GRXCR2: variants seen among roughly 807,000 people sequenced by gnomAD.
GRXCR2 encodes the protein glutaredoxin domain-containing cysteine-rich protein 2.
A neutral mutation model predicts 24.8 loss-of-function variants in GRXCR2; 23 were observed. That is an observed-to-expected ratio of 0.93 (90% CI 0.67 to 1.32). The LOEUF (loss-of-function observed/expected upper bound fraction) is 1.32. Ranked by LOEUF, GRXCR2 falls within the 40% of genes most tolerant of loss-of-function variation. The pLI is 0.00. For synonymous variants in GRXCR2, 130 were observed against 116.1 expected, an observed-to-expected ratio of 1.12 and a Z score of -0.77; for missense variants, 315 against 303.4, an observed-to-expected ratio of 1.04 and a Z score of -0.28.
chr5:145,872,291 G>A (rs1192043426), intron 1 of GRXCR2, among the ~76,000 whole-genome samples: 1 of 152,166 alleles, frequency 6.6e-6, no homozygotes, highest in African/African-American at 2.4e-5. Flanking sequence ...CAAAATGACT[G>A]CATAATTGTC....
Position 145,922,337 on chromosome 5 carries a change from A to G in GRXCR2, c.-70+13364T>C, listed in dbSNP as rs149429888. Among the ~76,000 whole-genome samples, 92 of 152,186 alleles carry G rather than the reference A, an allele frequency of 6.0e-4. 1 individual carries two copies. The highest frequency in any genetic ancestry group is 2.1e-3 in the African/African-American group (88 of 41,518). On this transcript the variant is annotated intron_variant, in intron 2 of 3. Coordinates refer to the GRXCR2 transcript ENST00000639411. The stretch of plus-strand genomic sequence containing the variant: ...CTCCTCATCTCTTCTGCTCCTGCTC[A>G]TCTCTCAAACCTCAGCCAGGTGCCA...
At chr5:145,924,748 G>A (rs1363844413) in intron 2 of GRXCR2, among the ~76,000 whole-genome samples, 1 of 152,066 alleles carries the variant, frequency 6.6e-6, no homozygotes, top group African/African-American at 2.4e-5. Context: ...AAGGGCTATG[G>A]TTCTTTGCAC....
chr5:145,930,735 G>C (rs1033808090), intron 2 of GRXCR2, among the ~76,000 whole-genome samples: 1 of 152,158 alleles, frequency 6.6e-6, no homozygotes, highest in Non-Finnish European at 1.5e-5. Context: ...ATTAGTCTGC[G>C]TTAGAATGAG....
At chr5:145,917,807 G>C (rs1757261793) in intron 2 of GRXCR2, among the ~76,000 whole-genome samples, 1 of 152,136 alleles carries the variant, frequency 6.6e-6, no homozygotes, top group South Asian at 2.1e-4. Flanking sequence ...TTGAGATGGA[G>C]TCTCACTTTG....
intron 2 of GRXCR2, among the ~76,000 whole-genome samples, chr5:145,880,103 A>T (rs1009064547): frequency 6.6e-6 from 1 of 152,224 alleles, no homozygotes; most frequent in African/African-American, 2.4e-5. Context: ...AAAGATCTAA[A>T]ATCAACACCC....
chr5:145,888,807 C>G (rs77326430), intron 2 of GRXCR2, among the ~76,000 whole-genome samples: 1 of 152,022 alleles, frequency 6.6e-6, no homozygotes, highest in South Asian at 2.1e-4. Flanking sequence ...AAGTTATACA[C>G]TCTGTGTGTG....
intron 2 of GRXCR2, among the ~76,000 whole-genome samples, chr5:145,865,306 A>G (rs1156751961): frequency 6.6e-6 from 1 of 152,166 alleles, no homozygotes; most frequent in Admixed American, 6.5e-5. Context: ...GCTTAAATGC[A>G]TCAAAATTGC....
At chr5:145,894,935 C>T (rs1756926283) in intron 2 of GRXCR2, among the ~76,000 whole-genome samples, 1 of 152,142 alleles carries the variant, frequency 6.6e-6, no homozygotes, top group South Asian at 2.1e-4. Context: ...AGCTTATTCA[C>T]CATGATCAAG....
intron 2 of GRXCR2, among the ~76,000 whole-genome samples, chr5:145,918,350 G>A (rs958360658): frequency 1.3e-5 from 2 of 152,202 alleles, no homozygotes; most frequent in Non-Finnish European, 2.9e-5. Flanking sequence ...AAATAGCTGG[G>A]AGGTGAACGG....
chr5:145,870,869 T>TA (rs1275536311), intron 1 of GRXCR2, among the ~76,000 whole-genome samples: 1 of 152,152 alleles, frequency 6.6e-6, no homozygotes, highest in East Asian at 1.9e-4. Context: ...ACATGGCCTC[T>TA]AAAACACATA....
chr5:145,929,222 T>TATATATATATATATATATATA (rs1561694422), intron 2 of GRXCR2, among the ~76,000 whole-genome samples: 2 of 146,508 alleles, frequency 1.4e-5, no homozygotes, highest in Non-Finnish European at 3.0e-5. Context: ...TATATATATA[T>TATATATATATATATATATATA]ATCACCATTT....
chr5:145,905,267 A>C (rs1314466603), intron 2 of GRXCR2, among the ~76,000 whole-genome samples: 1 of 152,220 alleles, frequency 6.6e-6, no homozygotes, highest in Non-Finnish European at 1.5e-5. Flanking sequence ...AGCTTATCAG[A>C]GATTCTGTTT....
chr5:145,911,187 C>T (rs996928627), intron 2 of GRXCR2, among the ~76,000 whole-genome samples: 4 of 152,154 alleles, frequency 2.6e-5, no homozygotes, highest in South Asian at 4.1e-4. Flanking sequence ...ATCAGCACCT[C>T]GAGTTAACAT....
intron 2 of GRXCR2, among the ~76,000 whole-genome samples, chr5:145,862,906 C>G (rs1421165177): frequency 6.6e-6 from 1 of 152,160 alleles, no homozygotes; most frequent in Non-Finnish European, 1.5e-5. Flanking sequence ...GAGCATTGGT[C>G]ATGGTGCCTG....
At chr5:145,906,582 A>G (rs1392325694) in intron 2 of GRXCR2, among the ~76,000 whole-genome samples, 1 of 152,200 alleles carries the variant, frequency 6.6e-6, no homozygotes, top group Non-Finnish European at 1.5e-5. Context: ...GAAGTAATCC[A>G]ATCACATTCC....
At chr5:145,874,605 C>T (rs1038595387), upstream of GRXCR2, among the ~76,000 whole-genome samples, 4 of 152,206 alleles carry the variant, frequency 2.6e-5, no homozygotes, top group East Asian at 3.8e-4. Flanking sequence ...GCAGCTGTCT[C>T]CCAAGGACTT....
intron 2 of GRXCR2, among the ~76,000 whole-genome samples, chr5:145,893,416 C>T (rs1338980635): frequency 4.6e-5 from 7 of 151,776 alleles, no homozygotes; most frequent in African/African-American, 1.5e-4. Context: ...CACATAGGCT[C>T]AAAATAAAGG....
At chr5:145,867,196 G>C (rs1756452547) in intron 1 of GRXCR2, among the ~76,000 whole-genome samples, 1 of 152,010 alleles carries the variant, frequency 6.6e-6, no homozygotes, top group African/African-American at 2.4e-5. Context: ...TACCAACATT[G>C]CCTCAGTTTC....
chr5:145,902,940 G>A (rs566137924), intron 2 of GRXCR2, among the ~76,000 whole-genome samples: 1 of 152,290 alleles, frequency 6.6e-6, no homozygotes, highest in South Asian at 2.1e-4. Context: ...ACTTGGATTT[G>A]CACTTAGACA....
Sources: allele counts gnomAD v4.1 joint callset (sites outside exome capture counted in the v4.1 genomes callset), GRCh38; gene constraint gnomAD v4.1.1; transcripts MANE v1.5; gene names NCBI Gene and HGNC (gene_info 2026-07-23, HGNC 2026-07-21).